The following CLVS1 variants were observed in gnomAD, a reference collection of about 807,000 sequenced individuals.
CLVS1 encodes clavesin-1.
CLVS1 carries 10 observed loss-of-function variants against 33.1 expected under a neutral mutation model. That is an observed-to-expected ratio of 0.30 (90% CI 0.19 to 0.51). CLVS1 has a LOEUF of 0.51. CLVS1 is among the 20% of genes least tolerant of loss of function. CLVS1 has a pLI of 0.97. For missense variants in CLVS1, 343 were observed against 433.4 expected, an observed-to-expected ratio of 0.79 and a Z score of 1.85; for synonymous variants, 163 against 166.1, an observed-to-expected ratio of 0.98 and a Z score of 0.14.
chr8:61,123,827 G>A (rs763464704), intron 1 of CLVS1, among the ~76,000 whole-genome samples: 5 of 152,174 alleles, frequency 3.3e-5, no homozygotes, highest in Non-Finnish European at 2.9e-5. Context: ...TGTTTACTCT[G>A]CAGTCCAGCA....
At chr8:61,237,472 C>A (rs1397523335) in intron 2 of CLVS1, among the ~76,000 whole-genome samples, 1 of 151,946 alleles carries the variant, frequency 6.6e-6, no homozygotes, top group Non-Finnish European at 1.5e-5. Context: ...GGAGGAAGTT[C>A]ATGAAGAAAA....
chr8:61,326,617 G>A (rs771255021), intron 2 of CLVS1, among the ~76,000 whole-genome samples: 6 of 152,134 alleles, frequency 3.9e-5, no homozygotes, highest in Non-Finnish European at 8.8e-5. Flanking sequence ...CAGCATAATC[G>A]CAGTACAGAG....
chr8:61,313,113 T>C (rs952575454), intron 2 of CLVS1, among the ~76,000 whole-genome samples: 4 of 152,148 alleles, frequency 2.6e-5, no homozygotes, highest in Admixed American at 2.0e-4. Context: ...GTCTTCATTC[T>C]TATAATGTGG....
chr8:61,345,871 G>GGA (rs1329295276), intron 2 of CLVS1, among the ~76,000 whole-genome samples: 1 of 152,044 alleles, frequency 6.6e-6, no homozygotes, highest in Non-Finnish European at 1.5e-5. Context: ...GATCCCTTGG[G>GGA]GAGAGGCTCA....
intron 3 of CLVS1, among the ~76,000 whole-genome samples, chr8:61,407,271 A>G (rs924205100): frequency 6.6e-6 from 1 of 152,240 alleles, no homozygotes. Flanking sequence ...AGCCTGGTCC[A>G]TCATCTGTAA....
At chr8:61,178,726 A>C (rs1478564543) in intron 2 of CLVS1, among the ~76,000 whole-genome samples, 1 of 152,212 alleles carries the variant, frequency 6.6e-6, no homozygotes, top group Non-Finnish European at 1.5e-5. Flanking sequence ...TTCAACACAG[A>C]ATTTCATATC....
intron 1 of CLVS1, among the ~76,000 whole-genome samples, chr8:61,110,023 G>A (rs994174848): frequency 6.6e-6 from 1 of 152,158 alleles, no homozygotes; most frequent in Non-Finnish European, 1.5e-5. Context: ...TAAGACATTA[G>A]CCTCACTTCA....
chr8:61,061,682 G>A (rs1351745247), intron 1 of CLVS1, among the ~76,000 whole-genome samples: 7 of 151,696 alleles, frequency 4.6e-5, no homozygotes, highest in Non-Finnish European at 8.8e-5. Flanking sequence ...TAGATAAACC[G>A]GTTATCTTTT....
At chr8:61,304,518 G>A (rs777276598) in intron 2 of CLVS1, among the ~76,000 whole-genome samples, 20 of 152,226 alleles carry the variant, frequency 1.3e-4, no homozygotes, top group Non-Finnish European at 2.8e-4. Context: ...CTCCCAGAGT[G>A]AGCAGAGTTT....
the CLVS1 span, among the ~76,000 whole-genome samples, chr8:60,980,734 C>T: frequency 7.2e-5 from 11 of 152,066 alleles, no homozygotes; most frequent in Admixed American, 2.0e-4. Flanking sequence ...TGCAGTGAGC[C>T]GTGATTGCAC....
chr8:61,078,899 C>T (rs1366840573), intron 1 of CLVS1, among the ~76,000 whole-genome samples: 2 of 151,992 alleles, frequency 1.3e-5, no homozygotes, highest in East Asian at 3.8e-4. Context: ...ATATAATGTT[C>T]AATGTTAAAA....
the CLVS1 span, among the ~76,000 whole-genome samples, chr8:61,011,043 C>A: frequency 3.9e-5 from 6 of 152,230 alleles, no homozygotes; most frequent in African/African-American, 7.2e-5. Flanking sequence ...TGTCCCGTCA[C>A]CGCTGTAATG....
At chr8:61,079,543 G>A (rs1338498652) in intron 1 of CLVS1, among the ~76,000 whole-genome samples, 1 of 152,200 alleles carries the variant, frequency 6.6e-6, no homozygotes, top group Non-Finnish European at 1.5e-5. Flanking sequence ...CATACTGCCA[G>A]GAGCTAGAAA....
chr8:61,178,397 A>C (rs1807158879), intron 2 of CLVS1, among the ~76,000 whole-genome samples: 1 of 152,206 alleles, frequency 6.6e-6, no homozygotes, highest in Non-Finnish European at 1.5e-5. Flanking sequence ...AGATGGGAAG[A>C]ATAGAACCAA....
chr8:61,289,490 A>T (rs1585753076), intron 1 of CLVS1, among the ~76,000 whole-genome samples: 1 of 152,232 alleles, frequency 6.6e-6, no homozygotes, highest in Non-Finnish European at 1.5e-5. Context: ...CTGGGTGTTC[A>T]TTTAATTGAT....
the CLVS1 span, among the ~76,000 whole-genome samples, chr8:61,000,732 G>T: frequency 6.6e-6 from 1 of 152,170 alleles, no homozygotes; most frequent in African/African-American, 2.4e-5. Flanking sequence ...TGCAAGTCAA[G>T]CCAGGGGTCA....
At chr8:61,213,421 G>T (rs1585693599) in intron 2 of CLVS1, among the ~76,000 whole-genome samples, 1 of 69,330 alleles carries the variant, frequency 1.4e-5, no homozygotes, top group South Asian at 5.7e-4. Flanking sequence ...GAAGAATTAG[G>T]ACAGATGTTG....
chr8:61,449,785 T>A (rs1816888392), intron 3 of CLVS1, among the ~76,000 whole-genome samples: 1 of 152,214 alleles, frequency 6.6e-6, no homozygotes. Context: ...CTCTATTGTG[T>A]CCTTCCTTGA....
At chr8:61,486,269 G>A (rs1803879604) in intron 5 of CLVS1, among the ~76,000 whole-genome samples, 1 of 152,006 alleles carries the variant, frequency 6.6e-6, no homozygotes, top group Non-Finnish European at 1.5e-5. Context: ...CTCATGCCTT[G>A]CTCAGAGTCA....
Sources: gnomAD v4.1 joint callset for allele counts (sites outside exome capture counted in the v4.1 genomes callset) on GRCh38, gnomAD v4.1.1 for gene constraint, MANE v1.5 for transcripts, NCBI Gene and HGNC (gene_info 2026-07-23, HGNC 2026-07-21) for gene names.